Variants in CDCA2 observed in about 807,000 individuals in gnomAD.
CDCA2 encodes cell division cycle associated 2.
CDCA2 carries 44 observed loss-of-function variants against 67.0 expected under a neutral mutation model. The ratio of observed to expected loss-of-function variants is 0.66; its 90% CI spans 0.52 to 0.84. The LOEUF is 0.84. Ranked by LOEUF, CDCA2 falls within the 40% of genes least tolerant of loss-of-function variation. The probability of loss-of-function intolerance (pLI) is 0.00; values close to 1 mark genes in which losing one functional copy is unlikely to be tolerated. For missense variants in CDCA2, 1,253 were observed against 1,203.2 expected, an observed-to-expected ratio of 1.04 and a Z score of -0.61; for synonymous variants, 447 against 418.7, an observed-to-expected ratio of 1.07 and a Z score of -0.82.
At chr8:25,495,979 CCATTGATAAAGCTTAAAATT>C (rs1371265157) in intron 13 of CDCA2, among the ~76,000 whole-genome samples, 1 of 152,130 alleles carries the variant, frequency 6.6e-6, no homozygotes, top group Non-Finnish European at 1.5e-5. Context: ...CCAGCTCTAT[CCATTGATAAAGCTTAAAATT>C]CATGAGCATC....
intron 8 of CDCA2, 45 bp downstream of exon 8, chr8:25,480,169 A>AT (rs763260277): frequency 1.3e-6 from 2 of 1,490,436 alleles, no homozygotes; most frequent in Non-Finnish European, 1.8e-6. Flanking sequence ...ATAAAAATGC[A>AT]TTTTGCTTCA....
At chr8:25,496,107 G>A (rs990476540) in intron 13 of CDCA2, among the ~76,000 whole-genome samples, 1 of 152,078 alleles carries the variant, frequency 6.6e-6, no homozygotes, top group African/African-American at 2.4e-5. Context: ...AATTTAATAA[G>A]TGAGCCTGGT....
chr8:25,496,986 T>C lies in CDCA2; in HGVS notation c.1672-6387T>C, dbSNP rs186171464. Among the ~76,000 whole-genome samples, 69 of 152,204 alleles carry C rather than the reference T, an allele frequency of 4.5e-4. No individual in the cohort carries two copies. In the East Asian group the frequency reaches 0.013, roughly 28 times the overall value. On this transcript the variant is annotated intron_variant, in intron 13 of 14. Transcript: ENST00000330560. The stretch of plus-strand genomic sequence containing the variant: ...TTGGGGTTTTTAGTAGAAAAAGAAA[T>C]GTTACATATTATTTAGAAAAAAAAC...
chr8:25,489,658 T>C (rs752761533), intron 13 of CDCA2, among the ~76,000 whole-genome samples: 5 of 152,240 alleles, frequency 3.3e-5, no homozygotes, highest in South Asian at 2.1e-4. Context: ...GTGCATACTT[T>C]TCAGTTCTGT....
chr8:25,503,962 G>T (rs570764859), intron 14 of CDCA2, among the ~76,000 whole-genome samples: 1 of 152,140 alleles, frequency 6.6e-6, no homozygotes, highest in African/African-American at 2.4e-5. Flanking sequence ...TAAGGCGGAA[G>T]GATTGCTTGA....
intron 8 of CDCA2, among the ~76,000 whole-genome samples, chr8:25,480,993 A>G (rs55844800): frequency 0.4 from 61,514 of 152,088 alleles, 12,856 homozygotes; most frequent in African/African-American, 0.52. Context: ...AACCATAAGC[A>G]TTTTAACATA....
In CDCA2 at chr8:25,488,557, G is replaced by C. The variant is rs117565806; in HGVS notation, c.1539G>C (p.Leu513Phe). The change falls in exon 13 of 15, where the codon TTG (leucine) becomes TTC (phenylalanine). Residue 513 changes from leucine (L) to phenylalanine (F), a missense_variant. Transcript: ENST00000330560. ...ITRTSNRRNQLVSVVEESVCN... is the reference protein window; with the variant it reads ...ITRTSNRRNQFVSVVEESVCN... ...ACTTTACACTTTCTTTATAGCAATT[G>C]GTCAGTGTTGTAGAAGAGAGTGTTT... 1.5e-3 allele frequency: 2,333 copies of C among 1,603,012 alleles called. 4 individuals are homozygous for C. Among genetic ancestry groups the C allele is most frequent in the Non-Finnish European group, 1.9e-3 (2,192 of 1,176,470 alleles).
chr8:25,507,684 G>C lies in CDCA2; in HGVS notation c.3018G>C (p.Glu1006Asp), dbSNP rs940693857. The stretch of plus-strand genomic sequence containing the variant: ...GATCCTCTCTTAATGGGAAGGGAGA[G>C]AGCTCTCTGACTGCCTTGGAAAGGA... Reference protein sequence around the residue: ...RRRSSLNGKGESSLTALERIE... With the variant: ...RRRSSLNGKGDSSLTALERIE... The change falls in exon 15 of 15, where the codon GAG (glutamate) becomes GAC (aspartate). Residue 1006 changes from glutamate (E) to aspartate (D), a missense_variant. Coordinates refer to ENST00000330560, the MANE Select transcript of CDCA2 (RefSeq NM_152562.4). 23 of 1,613,922 alleles carry C rather than the reference G, an allele frequency of 1.4e-5. No homozygotes were observed. The highest frequency in any genetic ancestry group is 1.9e-5 in the Non-Finnish European group (23 of 1,180,000).
chr8:25,483,603 C>A (rs1290145324), intron 9 of CDCA2, 117 bp downstream of exon 9: 1 of 688,358 alleles, frequency 1.5e-6, no homozygotes, highest in Non-Finnish European at 2.4e-6. Flanking sequence ...TGAAATAACA[C>A]GTGAATGAAG....
chr8:25,475,479 A>T (rs1407910982), intron 7 of CDCA2, among the ~76,000 whole-genome samples: 3 of 152,222 alleles, frequency 2.0e-5, no homozygotes, highest in African/African-American at 4.8e-5. Flanking sequence ...AGATTGCACC[A>T]CTGCACTGGA....
intron 13 of CDCA2, among the ~76,000 whole-genome samples, chr8:25,493,892 A>G (rs1322818201): frequency 6.6e-6 from 1 of 152,216 alleles, no homozygotes; most frequent in Non-Finnish European, 1.5e-5. Flanking sequence ...CAACAGGCCT[A>G]TTTCTAGGAA....
chr8:25,472,265 T>C (rs1342470973), intron 7 of CDCA2: 1 of 151,934 alleles, frequency 6.6e-6, no homozygotes, highest in South Asian at 2.1e-4. Context: ...TTATTTTTTT[T>C]TTTTGAGACG....
At chr8:25,467,065 A>AAAAACAC (rs1468639428) in intron 5 of CDCA2, among the ~76,000 whole-genome samples, 1 of 126,232 alleles carries the variant, frequency 7.9e-6, no homozygotes, top group Non-Finnish European at 1.6e-5. Context: ...AAAAAAAAAA[A>AAAAACAC]ACACACACAC....
At chr8:25,466,400 G>A (rs1380233128) in intron 5 of CDCA2, 75 bp downstream of exon 5, 2 of 1,346,744 alleles carry the variant, frequency 1.5e-6, no homozygotes, top group East Asian at 2.6e-5. Context: ...AAATGATTTA[G>A]TGTGAAGCCA....
At chr8:25,484,336 T>A in intron 10 of CDCA2, 126 bp downstream of exon 10, 1 of 1,295,706 alleles carries the variant, frequency 7.7e-7, no homozygotes, top group Non-Finnish European at 1.1e-6. Flanking sequence ...TGGTTTAAAT[T>A]AATCTATTTT....
chr8:25,499,548 C>T (rs1804389248), intron 13 of CDCA2, among the ~76,000 whole-genome samples: 2 of 151,990 alleles, frequency 1.3e-5, no homozygotes, highest in South Asian at 2.1e-4. Context: ...AAGCAACCCA[C>T]CCACCTCGGC....
intron 11 of CDCA2, among the ~76,000 whole-genome samples, chr8:25,486,590 G>T (rs1184797395): frequency 1.3e-5 from 2 of 151,706 alleles, no homozygotes; most frequent in Non-Finnish European, 2.9e-5. Context: ...ATCACTTGAG[G>T]TCAGGAGTTC....
At chr8:25,467,610 A>AG (rs1197828307) in intron 5 of CDCA2, among the ~76,000 whole-genome samples, 1 of 152,166 alleles carries the variant, frequency 6.6e-6, no homozygotes, top group African/African-American at 2.4e-5. Context: ...AAAAAGCGTG[A>AG]GGTACCATAT....
chr8:25,470,996 T>C (rs67916389), intron 7 of CDCA2, among the ~76,000 whole-genome samples: 61,567 of 151,946 alleles, frequency 0.41, 12,872 homozygotes, highest in African/African-American at 0.52. Context: ...TCCTTGCCTT[T>C]AGCAATCCAC....
Sources: gnomAD v4.1 joint callset for allele counts (sites outside exome capture counted in the v4.1 genomes callset) on GRCh38, gnomAD v4.1.1 for gene constraint, MANE v1.5 for transcripts, NCBI Gene and HGNC (gene_info 2026-07-23, HGNC 2026-07-21) for gene names.